Variants in TSPAN33 observed in about 807,000 individuals in gnomAD.
The protein encoded by TSPAN33 is tetraspanin-33.
In TSPAN33, 27 loss-of-function variants were observed where a neutral mutation model predicts 34.8. The observed-to-expected ratio is 0.78, with a 90% confidence interval of 0.57 to 1.07. The LOEUF (loss-of-function observed/expected upper bound fraction) is 1.07, where lower values mean the gene tolerates loss of function less well. Among genes scored for constraint, TSPAN33 ranks in the 50% least tolerant of loss-of-function variants. The probability of loss-of-function intolerance (pLI) is 0.00; values close to 1 mark genes in which losing one functional copy is unlikely to be tolerated. For missense variants in TSPAN33, 272 were observed against 324.9 expected (o/e 0.84, Z 1.25); for synonymous variants, 119 against 124.2 (o/e 0.96, Z 0.28).
chr7:129,150,832 A>G lies in TSPAN33; in HGVS notation c.102+5750A>G, dbSNP rs570100049. Among the ~76,000 whole-genome samples, 16 of 152,268 alleles carry G rather than the reference A, an allele frequency of 1.1e-4. No individual in the cohort carries two copies. The East Asian group carries it at 2.9e-3, about 28-fold the overall frequency. ...TCCAGGGAGGAGGAAAGAGAGTGGC[A>G]AGCAGACAGGGACTGGCTAGGGAAG... On this transcript the variant is annotated intron_variant, in intron 1 of 7. Coordinates refer to ENST00000486685, the MANE Select transcript of TSPAN33 (RefSeq NM_178562.5).
chr7:129,155,185 T>C (rs552422467), intron 1 of TSPAN33, among the ~76,000 whole-genome samples: 11 of 152,198 alleles, frequency 7.2e-5, no homozygotes, highest in Non-Finnish European at 5.9e-5. Context: ...TTCTCACTCA[T>C]ATTTGAGGGC....
rs73723928 is a variant in TSPAN33, at chr7:129,148,389, G to A, written c.102+3307G>A. 2.0e-5 allele frequency among the ~76,000 whole-genome samples: 3 copies of A among 152,080 alleles called. No individual in the cohort carries two copies. Among genetic ancestry groups the A allele is most frequent in the African/African-American group, 4.8e-5 (2 of 41,398 alleles). ...TTCTCCGTCTCCCCCTCTAGACTTC[G>A]GGCTCTCGAGGGTGGGCACGGCCCT... On this transcript the variant is annotated intron_variant, in intron 1 of 7. Transcript: ENST00000486685. The surrounding 1 kb of genome is among the most constrained non-coding windows in gnomAD (Gnocchi z 4.2).
rs907032126 is a variant in TSPAN33 at position 129,167,513 on chromosome 7, A to C, written c.703A>C (p.Asn235His). Residue 235 changes from asparagine to histidine, a missense_variant, in exon 7 of 8, where the codon AAC (asparagine) becomes CAC (histidine). Transcript: ENST00000486685. This position sits in a 1 kb window ranked among gnomAD's most constrained non-coding sequence, Gnocchi z 4.6. Reference protein sequence around the residue: ...IDKLVNWIHSNLFLLGGVALG... With the variant: ...IDKLVNWIHSHLFLLGGVALG... ...CAAGTTGGTCAACTGGATACACAGC[A>C]ACCTATTCTTACTTGGTGGTGTGGC... 6.2e-7 allele frequency: 1 copy of C among 1,614,190 alleles called. No individual in the cohort carries two copies. The highest frequency in any genetic ancestry group is 1.3e-5 in the African/African-American group (1 of 75,052).
intron 1 of TSPAN33, among the ~76,000 whole-genome samples, chr7:129,147,971 G>A (rs1563135124): frequency 6.6e-6 from 1 of 152,134 alleles, no homozygotes; most frequent in East Asian, 1.9e-4. Context: ...ATGTTGCTGG[G>A]TTACTGACTG....
At chr7:129,164,272 G>A (rs570102750) in intron 4 of TSPAN33, among the ~76,000 whole-genome samples, 10 of 152,316 alleles carry the variant, frequency 6.6e-5, no homozygotes, top group Non-Finnish European at 1.3e-4. Context: ...AGCAGGTCCA[G>A]CATTTCTCCT....
chr7:129,165,816 G>A lies in TSPAN33; in HGVS notation c.460-962G>A, dbSNP rs1486484778. Among the ~76,000 whole-genome samples, 2 of 152,296 alleles carry A rather than the reference G, an allele frequency of 1.3e-5. No homozygotes were observed. The highest frequency in any genetic ancestry group is 2.9e-5 in the Non-Finnish European group (2 of 68,016). On this transcript the variant is annotated intron_variant, in intron 5 of 7. Coordinates refer to ENST00000486685, the MANE Select transcript of TSPAN33 (RefSeq NM_178562.5). The surrounding 1 kb of genome is among the most constrained non-coding windows in gnomAD (Gnocchi z 4.5). ...TCCCAGCTACTCAGGAGGCTGAGGT[G>A]CGAGAATAGCTTGAATTTGGGAGTT...
At chr7:129,158,212 A>G (rs1212387475) in intron 1 of TSPAN33, among the ~76,000 whole-genome samples, 2 of 152,246 alleles carry the variant, frequency 1.3e-5, no homozygotes, top group African/African-American at 4.8e-5. Flanking sequence ...TCCCTAGCTC[A>G]AAATTCTTAA....
At chr7:129,147,532 A>G (rs561911449) in intron 1 of TSPAN33, among the ~76,000 whole-genome samples, 1 of 152,304 alleles carries the variant, frequency 6.6e-6, no homozygotes, top group African/African-American at 2.4e-5. Flanking sequence ...TCAGGGGGCC[A>G]TCTTTCTTCC....
rs1793173018 is a variant in TSPAN33 at position 129,168,194 on chromosome 7, C to T, written c.*320C>T. The T allele has an allele frequency of 7.1e-6, 2 of 281,620 alleles. No homozygotes were observed. The highest frequency in any genetic ancestry group is 6.8e-6 in the Non-Finnish European group (1 of 146,964). 17.4% of individuals were successfully genotyped at this position (281,620 alleles called of 1,614,324 possible). A position where few individuals can be genotyped will look rare whatever the true frequency, so the allele number is the denominator to read the frequency against. On this transcript the variant is annotated 3_prime_UTR_variant, in exon 8 of 8. Coordinates refer to ENST00000486685, the MANE Select transcript of TSPAN33 (RefSeq NM_178562.5). ...TGGGGGTACTGCTGCTGCCTTTTCA[C>T]CGAGGCACTGCCACCACCAGCTCTA...
In TSPAN33 at chr7:129,148,259, G is replaced by T. The variant is rs1810546988; in HGVS notation, c.102+3177G>T. Among the ~76,000 whole-genome samples the T allele has an allele frequency of 6.6e-6, 1 of 152,210 alleles. No homozygotes were observed. Among genetic ancestry groups the T allele is most frequent in the Non-Finnish European group, 1.5e-5 (1 of 68,040 alleles). On this transcript the variant is annotated intron_variant, in intron 1 of 7. Transcript: ENST00000486685. This position sits in a 1 kb window ranked among gnomAD's most constrained non-coding sequence, Gnocchi z 4.2. ...CCAGAAGCTCAGACCTCCAGCCCCTGTGTCTCAGCCCAGGCTTCCCTAGCA... is the reference window on the plus strand; with the variant it reads ...CCAGAAGCTCAGACCTCCAGCCCCTTTGTCTCAGCCCAGGCTTCCCTAGCA...
At chr7:129,149,750 C>T (rs1451352360) in intron 1 of TSPAN33, among the ~76,000 whole-genome samples, 1 of 152,212 alleles carries the variant, frequency 6.6e-6, no homozygotes, top group Non-Finnish European at 1.5e-5. Context: ...TGGCCCCGGA[C>T]ATTGTTGAGG....
rs758293281 is a variant in TSPAN33 at position 129,169,244 on chromosome 7, G to C, written c.*1370G>C. Among the ~76,000 whole-genome samples, 1 of 152,172 alleles carries C rather than the reference G, an allele frequency of 6.6e-6. No individual in the cohort carries two copies. The highest frequency in any genetic ancestry group is 1.5e-5 in the Non-Finnish European group (1 of 68,024). ...TTCTCCCTGAGTCGGCTGTAGGGAG[G>C]ACTCCGAGGAAGCTCGGCGCGGTGC... is the stretch of plus-strand genomic sequence containing the variant. On this transcript the variant is annotated 3_prime_UTR_variant, in exon 8 of 8. Coordinates refer to ENST00000486685, the MANE Select transcript of TSPAN33 (RefSeq NM_178562.5).
intron 1 of TSPAN33, among the ~76,000 whole-genome samples, chr7:129,145,747 A>G (rs1810512037): frequency 6.6e-6 from 1 of 151,690 alleles, no homozygotes; most frequent in African/African-American, 2.4e-5. Context: ...GGGTCCTTTC[A>G]GAATCTTCTG....
chr7:129,146,682 C>T (rs1810524290), intron 1 of TSPAN33, among the ~76,000 whole-genome samples: 1 of 152,198 alleles, frequency 6.6e-6, no homozygotes, highest in Non-Finnish European at 1.5e-5. Flanking sequence ...CCTTACCACT[C>T]TACCAGTGCT....
At chr7:129,145,986 G>C (rs1212456228) in intron 1 of TSPAN33, among the ~76,000 whole-genome samples, 2 of 151,926 alleles carry the variant, frequency 1.3e-5, no homozygotes, top group African/African-American at 4.8e-5. Flanking sequence ...CTGTTTCCTG[G>C]CTAGAGAGTC....
At chr7:129,161,172 C>T (rs900748217) in intron 1 of TSPAN33, among the ~76,000 whole-genome samples, 6 of 152,236 alleles carry the variant, frequency 3.9e-5, no homozygotes, top group Non-Finnish European at 8.8e-5. Flanking sequence ...CTCCTGGGCT[C>T]AAACCATCCT....
At chr7:129,162,005 A>C (rs886681552) in intron 2 of TSPAN33, among the ~76,000 whole-genome samples, 2 of 152,212 alleles carry the variant, frequency 1.3e-5, no homozygotes, top group African/African-American at 4.8e-5. Flanking sequence ...GCAGAGAGTC[A>C]TCAAGGGCTT....
intron 4 of TSPAN33, 72 bp downstream of exon 4, chr7:129,162,979 A>G: frequency 8.2e-6 from 12 of 1,466,490 alleles, no homozygotes; most frequent in Non-Finnish European, 1.1e-5. Context: ...GCCCATGTTT[A>G]GCCTGGTTAA....
chr7:129,160,050 C>T (rs1368364186), intron 1 of TSPAN33, among the ~76,000 whole-genome samples: 1 of 151,884 alleles, frequency 6.6e-6, no homozygotes, highest in Non-Finnish European at 1.5e-5. Context: ...TCCCTCACCC[C>T]GCAAAAAAGA....
Sources: gnomAD v4.1 joint callset for allele counts (sites outside exome capture counted in the v4.1 genomes callset) on GRCh38, gnomAD v4.1.1 for gene constraint, Gnocchi (gnomAD v3.1) non-coding constraint, MANE v1.5 for transcripts, NCBI Gene and HGNC (gene_info 2026-07-23, HGNC 2026-07-21) for gene names.